LYRM4: variants seen among roughly 807,000 people sequenced by gnomAD.
LYRM4 encodes the protein LYR motif containing 4, also known as LYR motif-containing protein 4.
Under a neutral mutation model 11.7 loss-of-function variants are expected in LYRM4, and 9 were observed. That is an observed-to-expected ratio of 0.77 (90% CI 0.46 to 1.34). The LOEUF (loss-of-function observed/expected upper bound fraction) is 1.34. LYRM4 is among the 40% of genes most tolerant of loss of function. The pLI is 0.00. For missense variants in LYRM4, 133 were observed against 112.5 expected, an observed-to-expected ratio of 1.18 and a Z score of -0.82; for synonymous variants, 42 against 40.4, an observed-to-expected ratio of 1.04 and a Z score of -0.15.
intron 2 of LYRM4, among the ~76,000 whole-genome samples, chr6:5,141,542 C>T (rs566515115): frequency 6.6e-6 from 1 of 152,294 alleles, no homozygotes; most frequent in Non-Finnish European, 1.5e-5. Flanking sequence ...ATGAAGGAAC[C>T]TCATTATATC....
chr6:5,111,881 T>A (rs992526200), intron 2 of LYRM4, among the ~76,000 whole-genome samples: 10 of 152,186 alleles, frequency 6.6e-5, no homozygotes, highest in Non-Finnish European at 1.3e-4. Context: ...TTCTAGGTGA[T>A]CTTTATGGTC....
downstream of LYRM4, chr6:5,106,088 C>G (rs11753298): frequency 6.6e-6 from 1 of 152,278 alleles, no homozygotes; most frequent in African/African-American, 2.4e-5. Flanking sequence ...GTAAATATCC[C>G]CTGGGGAGCC....
chr6:5,103,141 G>GACTC (rs1412357953), downstream of LYRM4: 1 of 152,080 alleles, frequency 6.6e-6, no homozygotes, highest in Non-Finnish European at 1.5e-5. Flanking sequence ...TAGACTTTAG[G>GACTC]TAAACTCTCC....
chr6:5,161,754 T>G (rs1758769024), intron 2 of LYRM4, among the ~76,000 whole-genome samples: 1 of 152,206 alleles, frequency 6.6e-6, no homozygotes, highest in South Asian at 2.1e-4. Flanking sequence ...TTGACATACT[T>G]GCGTTACGCT....
the LYRM4 span, chr6:5,085,579 G>A: frequency 2.6e-6 from 4 of 1,544,820 alleles, no homozygotes; most frequent in Non-Finnish European, 3.5e-6. Context: ...CGCCCCGGTG[G>A]TCCCCTGTGT....
intron 2 of LYRM4, among the ~76,000 whole-genome samples, chr6:5,157,766 A>G (rs1482456073): frequency 6.6e-6 from 1 of 152,204 alleles, no homozygotes; most frequent in Non-Finnish European, 1.5e-5. Context: ...TCTTTAGAAG[A>G]CAGATTTCGT....
At chr6:5,074,798 T>C in the LYRM4 span, among the ~76,000 whole-genome samples, 1 of 152,030 alleles carries the variant, frequency 6.6e-6, no homozygotes, top group African/African-American at 2.4e-5. Context: ...GTGATGGTGA[T>C]GGTGGTCATA....
chr6:5,087,021 G>A, the LYRM4 span: 1 of 160,314 alleles, frequency 6.2e-6, no homozygotes, highest in Non-Finnish European at 1.4e-5. Flanking sequence ...GTGCACCAGA[G>A]GAAGGTGCCA....
At chr6:5,164,011 A>G (rs567355410) in intron 2 of LYRM4, among the ~76,000 whole-genome samples, 1 of 152,348 alleles carries the variant, frequency 6.6e-6, no homozygotes, top group South Asian at 2.1e-4. Context: ...AATACATGAA[A>G]AGGCAATCAT....
intron 2 of LYRM4, among the ~76,000 whole-genome samples, chr6:5,164,967 CA>C (rs34814956): frequency 7.3e-4 from 77 of 105,080 alleles, no homozygotes; most frequent in African/African-American, 9.5e-4. Context: ...GACTGTGTCT[CA>C]AAAAAAAAAA....
chr6:5,039,735 G>T, the LYRM4 span, among the ~76,000 whole-genome samples: 1 of 152,098 alleles, frequency 6.6e-6, no homozygotes, highest in Non-Finnish European at 1.5e-5. Flanking sequence ...CAGAGTTTTA[G>T]ATATGAAAAT....
At chr6:5,238,115 A>G (rs1040007681) in intron 1 of LYRM4, among the ~76,000 whole-genome samples, 3 of 152,104 alleles carry the variant, frequency 2.0e-5, no homozygotes, top group Non-Finnish European at 4.4e-5. Flanking sequence ...TGGTTTTCCT[A>G]TTCTTATTTT....
At chr6:5,235,454 T>C (rs1464370527) in intron 1 of LYRM4, among the ~76,000 whole-genome samples, 1 of 152,246 alleles carries the variant, frequency 6.6e-6, no homozygotes, top group Non-Finnish European at 1.5e-5. Context: ...AATACAGTAT[T>C]CATTTTTTTT....
At chr6:5,046,870 G>T in the LYRM4 span, among the ~76,000 whole-genome samples, 2 of 152,098 alleles carry the variant, frequency 1.3e-5, no homozygotes, top group African/African-American at 4.8e-5. Flanking sequence ...AGGGTGGATC[G>T]CTTGAGCCCA....
At chr6:5,045,453 A>G in the LYRM4 span, among the ~76,000 whole-genome samples, 1 of 152,186 alleles carries the variant, frequency 6.6e-6, no homozygotes, top group Non-Finnish European at 1.5e-5. Context: ...GTGGCCAGGG[A>G]CTCGGGGAGA....
chr6:5,072,486 CTGT>C, the LYRM4 span, among the ~76,000 whole-genome samples: 36 of 151,624 alleles, frequency 2.4e-4, no homozygotes, highest in Non-Finnish European at 5.0e-4. Flanking sequence ...TCGTCAGCAT[CTGT>C]TGTTTTTTGA....
the LYRM4 span, among the ~76,000 whole-genome samples, chr6:5,079,131 T>G: frequency 6.6e-6 from 1 of 151,954 alleles, no homozygotes; most frequent in Non-Finnish European, 1.5e-5. Context: ...ATGTAAGAAA[T>G]AAAAACCCAA....
chr6:5,140,006 G>A (rs546887478), intron 2 of LYRM4, among the ~76,000 whole-genome samples: 20 of 151,874 alleles, frequency 1.3e-4, no homozygotes, highest in African/African-American at 3.9e-4. Flanking sequence ...GGCTGAGGCA[G>A]GTGGATCACT....
At chr6:5,251,453 A>G (rs1764423997) in intron 1 of LYRM4, among the ~76,000 whole-genome samples, 1 of 152,138 alleles carries the variant, frequency 6.6e-6, no homozygotes, top group African/African-American at 2.4e-5. Flanking sequence ...GCTTTTGGGG[A>G]GGCCTCAGGA....
Sources: gnomAD v4.1 joint callset for allele counts (sites outside exome capture counted in the v4.1 genomes callset) on GRCh38, gnomAD v4.1.1 for gene constraint, MANE v1.5 for transcripts, NCBI Gene and HGNC (gene_info 2026-07-23, HGNC 2026-07-21) for gene names.